Variants in WFIKKN2 observed in about 807,000 individuals in gnomAD.
WFIKKN2 encodes WAP, follistatin/kazal, immunoglobulin, kunitz and netrin domain containing 2.
In WFIKKN2, 25 loss-of-function variants were observed where a neutral mutation model predicts 39.2. The observed-to-expected ratio is 0.64, with a 90% CI of 0.47 to 0.89. The LOEUF is 0.89. Ranked by LOEUF, WFIKKN2 falls within the 40% of genes least tolerant of loss-of-function variation. The pLI, the probability that WFIKKN2 is intolerant of heterozygous loss-of-function variation, is 0.00. For synonymous variants in WFIKKN2, 345 were observed against 329.7 expected (o/e 1.05, Z -0.50); for missense variants, 770 against 811.7 (o/e 0.95, Z 0.62).
chr17:50,840,107 C>T lies in WFIKKN2; in HGVS notation c.819C>T (p.Val273=). 3.1e-6 allele frequency: 5 copies of T among 1,614,108 alleles called. No individual in the cohort carries two copies. In the South Asian group the frequency reaches 5.5e-5, roughly 18 times the overall value. Residue 273 remains valine, a synonymous_variant, in exon 2 of 2, where the codon GTC becomes GTT. Coordinates refer to ENST00000311378, the MANE Select transcript of WFIKKN2 (RefSeq NM_175575.6). ...NVVVTNIAQL[V]IYNAQLQDAG... Reference sequence around the variant, plus strand: ...TGGTCACCAACATTGCCCAGCTGGTCATCTATAACGCCCAGCTGCAGGATG... The same window carrying T: ...TGGTCACCAACATTGCCCAGCTGGTTATCTATAACGCCCAGCTGCAGGATG...
rs763628020 is a variant in WFIKKN2 at position 50,835,896 on chromosome 17, G to A, written c.-42G>A. 36 of 1,584,758 alleles carry A rather than the reference G, an allele frequency of 2.3e-5. No individual in the cohort carries two copies. Among genetic ancestry groups the A allele is most frequent in the Non-Finnish European group, 3.0e-5 (35 of 1,162,758 alleles). On this transcript the variant is annotated 5_prime_UTR_variant, in exon 1 of 2. Coordinates refer to ENST00000311378, the MANE Select transcript of WFIKKN2 (RefSeq NM_175575.6). ...AGGCCCTGGTGGGCCCCAGACCCTG[G>A]CATCGTTTCAGGGGAGGTCTCTAGC...
Position 50,840,245 on chromosome 17 carries a change from T to A in WFIKKN2, c.957T>A (p.Asn319Lys). Residue 319 changes from asparagine to lysine, a missense_variant, in exon 2 of 2, where the codon AAT becomes AAA. Coordinates refer to ENST00000311378, the MANE Select transcript of WFIKKN2 (RefSeq NM_175575.6). The part of the protein sequence containing the change: ...QAAATSESSP[N>K]GTAFPAAECL... ...CAGCCACCTCAGAGAGCAGCCCCAATGGCACGGCTTTCCCGGCGGCCGAGT... is the reference window on the plus strand; with the variant it reads ...CAGCCACCTCAGAGAGCAGCCCCAAAGGCACGGCTTTCCCGGCGGCCGAGT... 6.2e-7 allele frequency: 1 copy of A among 1,613,916 alleles called. No homozygotes were observed. The highest frequency in any genetic ancestry group is 1.7e-5 in the Admixed American group (1 of 60,030).
At chr17:50,837,473 T>C (rs1971974153) in intron 1 of WFIKKN2, among the ~76,000 whole-genome samples, 1 of 152,222 alleles carries the variant, frequency 6.6e-6, no homozygotes, top group Admixed American at 6.5e-5. Context: ...GGGCCATTCC[T>C]GCCCACCCCC....
At position 50,835,945 on chromosome 17, in the gene WFIKKN2, C is replaced by A. The variant is rs781246142; in HGVS notation, c.8C>A (p.Ala3Asp). The part of the protein sequence containing the change: MW[A>D]PRCRRFWSRW... The stretch of plus-strand genomic sequence containing the variant: ...GCCGCCCCAGCCTGCACCATGTGGG[C>A]CCCAAGGTGTCGCCGGTTCTGGTCT... The change falls in exon 1 of 2, where the codon GCC becomes GAC. Residue 3 changes from alanine to aspartate, a missense_variant. Physicochemically the swap from Ala to Asp is moderately radical, Grantham distance 126. Transcript: ENST00000311378. 1.2e-6 allele frequency: 2 copies of A among 1,611,042 alleles called. No individual in the cohort carries two copies. Among genetic ancestry groups the A allele is most frequent in the Non-Finnish European group, 8.5e-7 (1 of 1,178,866 alleles).
chr17:50,839,587 A>G lies in WFIKKN2; in HGVS notation c.299A>G (p.Lys100Arg), dbSNP rs766729278. ...AARYMDVKGK[K>R]GPVGMPKEAT... The stretch of plus-strand genomic sequence containing the variant: ...CGCTACATGGACGTGAAAGGGAAGA[A>G]GGGCCCAGTGGGCATGCCCAAGGAG... Residue 100 changes from lysine to arginine, a missense_variant, in exon 2 of 2, where the codon AAG (lysine) becomes AGG (arginine). By Grantham distance (26) the Lys-to-Arg change is conservative. Coordinates refer to ENST00000311378, the MANE Select transcript of WFIKKN2 (RefSeq NM_175575.6). The G allele has an allele frequency of 1.2e-6, 2 of 1,614,216 alleles. No homozygotes were observed. Among genetic ancestry groups the G allele is most frequent in the South Asian group, 2.2e-5 (2 of 91,080 alleles).
rs765589347 is a variant in WFIKKN2, at chr17:50,840,262, C to T, written c.974C>T (p.Ala325Val). The change falls in exon 2 of 2, where the codon GCG becomes GTG. Residue 325 changes from alanine (A) to valine (V), a missense_variant. Ala to Val is a moderately conservative substitution (Grantham distance 64). Transcript: ENST00000311378. ...AGCCCCAATGGCACGGCTTTCCCGG[C>T]GGCCGAGTGCCTGAAGCCCCCAGAC... ...ESSPNGTAFP[A>V]AECLKPPDSE... The T allele has an allele frequency of 1.2e-5, 19 of 1,613,822 alleles. No individual in the cohort carries two copies. Among genetic ancestry groups the T allele is most frequent in the African/African-American group, 6.7e-5 (5 of 74,936 alleles).
chr17:50,840,782 C>T lies in WFIKKN2; in HGVS notation c.1494C>T (p.Phe498=). 9 of 1,614,088 alleles carry T rather than the reference C, an allele frequency of 5.6e-6. No individual in the cohort carries two copies. The highest frequency in any genetic ancestry group is 7.6e-6 in the Non-Finnish European group (9 of 1,180,008). The change falls in exon 2 of 2, where the codon TTC becomes TTT. Residue 498 remains phenylalanine, a synonymous_variant. Transcript: ENST00000311378. ...VLKDEKMGLK[F]LGQEPLEVTL... ...AGGATGAGAAAATGGGCCTCAAGTT[C>T]CTGGGCCAGGAGCCATTGGAGGTCA...
At position 50,839,913 on chromosome 17, in the gene WFIKKN2, G is replaced by T. The variant is rs1239887671; in HGVS notation, c.625G>T (p.Ala209Ser). 1.2e-6 allele frequency: 2 copies of T among 1,614,052 alleles called. No homozygotes were observed. Among genetic ancestry groups the T allele is most frequent in the South Asian group, 1.1e-5 (1 of 91,088 alleles). ...SPETPELDMA[A>S]PALLNNPVHQ... ...AGAGACCCCTGAGCTGGACATGGCG[G>T]CCCCTGCGCTGCTCAACAACCCTGT... Residue 209 changes from alanine to serine, a missense_variant, in exon 2 of 2, where the codon GCC becomes TCC. Ala to Ser is a moderately conservative substitution (Grantham distance 99). Coordinates refer to ENST00000311378, the MANE Select transcript of WFIKKN2 (RefSeq NM_175575.6).
chr17:50,840,580 C>T lies in WFIKKN2; in HGVS notation c.1292C>T (p.Ala431Val), dbSNP rs866548344. The change falls in exon 2 of 2, where the codon GCC becomes GTC. Residue 431 changes from alanine to valine, a missense_variant. Transcript: ENST00000311378. ...GGCAACAACTTTGAGAGCCGTGAGG[C>T]CTGTGAGGAGTCGTGCCCCTTCCCC... ...GNGNNFESRE[A>V]CEESCPFPRG... 3 of 1,614,028 alleles carry T rather than the reference C, an allele frequency of 1.9e-6. No homozygotes were observed. The highest frequency in any genetic ancestry group is 2.5e-6 in the Non-Finnish European group (3 of 1,180,030).
chr17:50,836,389 A>G (rs1428618026), intron 1 of WFIKKN2, among the ~76,000 whole-genome samples: 8 of 111,898 alleles, frequency 7.1e-5, no homozygotes, highest in Admixed American at 9.5e-5. Context: ...AGAAGCCGCA[A>G]TGTGAGATGG....
Position 50,840,972 on chromosome 17 carries a change from C to T in WFIKKN2, c.1684C>T (p.His562Tyr), listed in dbSNP as rs200875842. Reference protein sequence around the residue: ...RRVRKLREVMHKKTCDVLKEF... With the variant: ...RRVRKLREVMYKKTCDVLKEF... ...GGTCAGGAAGCTTCGTGAGGTCATG[C>T]ACAAGAAGACCTGTGACGTCCTCAA... Residue 562 changes from histidine (H) to tyrosine (Y), a missense_variant, in exon 2 of 2, where the codon CAC becomes TAC. Physicochemically the swap from His to Tyr is moderately conservative, Grantham distance 83. Transcript: ENST00000311378. 1.5e-5 allele frequency: 23 copies of T among 1,566,214 alleles called. No individual in the cohort carries two copies. Among genetic ancestry groups the T allele is most frequent in the Non-Finnish European group, 8.7e-6 (10 of 1,153,504 alleles).
rs780103869 is a variant in WFIKKN2, at chr17:50,839,909, G to A, written c.621G>A (p.Met207Ile). ...CCCCAGAGACCCCTGAGCTGGACATGGCGGCCCCTGCGCTGCTCAACAACC... is the reference window on the plus strand; with the variant it reads ...CCCCAGAGACCCCTGAGCTGGACATAGCGGCCCCTGCGCTGCTCAACAACC... ...TASPETPELD[M>I]AAPALLNNPV... The change falls in exon 2 of 2, where the codon ATG (methionine) becomes ATA (isoleucine). Residue 207 changes from methionine (M) to isoleucine (I), a missense_variant. Coordinates refer to ENST00000311378, the MANE Select transcript of WFIKKN2 (RefSeq NM_175575.6). The A allele has an allele frequency of 6.2e-6, 10 of 1,614,186 alleles. No homozygotes were observed. In the East Asian group the frequency reaches 2.0e-4, roughly 32 times the overall value.
chr17:50,834,991 A>G (rs1422935445), upstream of WFIKKN2: 8 of 152,072 alleles, frequency 5.3e-5, no homozygotes, highest in Admixed American at 4.6e-4. Flanking sequence ...AGAGGGAGGA[A>G]TGTGATCCGT....
intron 1 of WFIKKN2, among the ~76,000 whole-genome samples, chr17:50,836,554 G>A (rs1319876286): frequency 5.4e-5 from 6 of 111,038 alleles, no homozygotes; most frequent in Admixed American, 5.2e-4. Context: ...AGTGTGAGGC[G>A]GACCAGGTGA....
Position 50,835,898 on chromosome 17 carries a change from A to T in WFIKKN2, c.-40A>T. On this transcript the variant is annotated 5_prime_UTR_variant, in exon 1 of 2. Transcript: ENST00000311378. ...GCCCTGGTGGGCCCCAGACCCTGGC[A>T]TCGTTTCAGGGGAGGTCTCTAGCCG... 2.5e-6 allele frequency: 4 copies of T among 1,587,316 alleles called. No individual in the cohort carries two copies. The East Asian group carries it at 6.8e-5, about 27-fold the overall frequency.
At chr17:50,836,335 G>C (rs180796165) in intron 1 of WFIKKN2, among the ~76,000 whole-genome samples, 188 bp downstream of exon 1, 1 of 151,810 alleles carries the variant, frequency 6.6e-6, no homozygotes, top group African/African-American at 2.4e-5. Context: ...AGGTGAGTGG[G>C]ATCCAGAAGC....
chr17:50,840,647 G>A lies in WFIKKN2; in HGVS notation c.1359G>A (p.Lys453=). The A allele has an allele frequency of 1.2e-6, 2 of 1,614,032 alleles. No homozygotes were observed. The highest frequency in any genetic ancestry group is 1.7e-6 in the Non-Finnish European group (2 of 1,180,022). The change falls in exon 2 of 2, where the codon AAG becomes AAA. Residue 453 remains lysine (K), a synonymous_variant. Coordinates refer to ENST00000311378, the MANE Select transcript of WFIKKN2 (RefSeq NM_175575.6). ...QRCRACKPRQ[K]LVTSFCRSDF... is the part of the protein sequence containing the mutation. ...GTCGGGCCTGCAAGCCTCGGCAGAA[G>A]CTCGTTACCAGCTTCTGTCGCAGCG...
intron 1 of WFIKKN2, among the ~76,000 whole-genome samples, chr17:50,837,200 CT>C (rs1971970877): frequency 6.6e-6 from 1 of 152,192 alleles, no homozygotes; most frequent in African/African-American, 2.4e-5. Context: ...GAACGATGAG[CT>C]TGGAACTCAT....
chr17:50,839,552 C>A lies in WFIKKN2; in HGVS notation c.264C>A (p.Cys88Ter). The change falls in exon 2 of 2, where the codon TGC (cysteine) becomes TGA (stop). Residue 88 changes from cysteine (C) to a stop codon, truncating the protein, a stop_gained. Transcript: ENST00000311378. LOFTEE classifies it high-confidence loss of function. ...CCPNVCGTKS[C>*]VAARYMDVKG... ...CCAACGTATGTGGGACCAAGAGCTG[C>A]GTGGCGGCCCGCTACATGGACGTGA... 6.2e-7 allele frequency: 1 copy of A among 1,614,120 alleles called. No individual in the cohort carries two copies.
Sources: allele counts gnomAD v4.1 joint callset (sites outside exome capture counted in the v4.1 genomes callset), GRCh38; gene constraint gnomAD v4.1.1; transcripts MANE v1.5; gene names NCBI Gene and HGNC (gene_info 2026-07-23, HGNC 2026-07-21).